The following WIPF1 variants were observed in gnomAD, a reference collection of about 807,000 sequenced individuals.
The protein encoded by WIPF1 is WAS/WASL-interacting protein family member 1.
In WIPF1, 13 loss-of-function variants were observed where a neutral mutation model predicts 35.4. That is an observed-to-expected ratio of 0.37 (90% CI 0.24 to 0.58). WIPF1 has a LOEUF of 0.58. Among genes scored for constraint, WIPF1 ranks in the 20% least tolerant of loss-of-function variants. The pLI is 0.74. For missense variants in WIPF1, 591 were observed against 667.0 expected, an observed-to-expected ratio of 0.89 and a Z score of 1.25; for synonymous variants, 267 against 266.3, an observed-to-expected ratio of 1.00 and a Z score of -0.02.
intron 1 of WIPF1, among the ~76,000 whole-genome samples, chr2:174,649,900 C>T (rs1412869341): frequency 2.0e-5 from 3 of 152,202 alleles, no homozygotes; most frequent in African/African-American, 7.2e-5. Context: ...CCAGGTAAGA[C>T]TTTATCTCCA....
intron 3 of WIPF1, among the ~76,000 whole-genome samples, chr2:174,580,777 C>T (rs1006488297): frequency 4.6e-5 from 7 of 152,200 alleles, no homozygotes; most frequent in African/African-American, 7.2e-5. Flanking sequence ...CTCTAAGCTC[C>T]TAATAATTGT....
At chr2:174,657,583 A>G (rs1355223329) in intron 1 of WIPF1, among the ~76,000 whole-genome samples, 1 of 152,138 alleles carries the variant, frequency 6.6e-6, no homozygotes, top group African/African-American at 2.4e-5. Context: ...ATGGCTGAGA[A>G]TAAAAGCTAG....
chr2:174,579,086 T>C (rs971271978), intron 3 of WIPF1, among the ~76,000 whole-genome samples: 5 of 152,164 alleles, frequency 3.3e-5, no homozygotes, highest in Admixed American at 6.5e-5. Flanking sequence ...GGCACGATCT[T>C]GGCTCACTGC....
intron 1 of WIPF1, among the ~76,000 whole-genome samples, chr2:174,641,714 T>TA (rs1485343040): frequency 6.6e-6 from 1 of 152,226 alleles, no homozygotes; most frequent in Non-Finnish European, 1.5e-5. Flanking sequence ...GATAGTGCCT[T>TA]ACTCATCTCA....
rs1684837427 is a variant in WIPF1, at chr2:174,571,540, C to T, written c.1129+136G>A. On this transcript the variant is annotated intron_variant, in intron 5 of 7. Coordinates refer to ENST00000679041, the MANE Select transcript of WIPF1 (RefSeq NM_001375834.1). The surrounding 1 kb of genome is among the most constrained non-coding windows in gnomAD (Gnocchi z 4.6). ...TACACGAGGTCACGATCACACGTGTCGTGTGCCACTTAAAAGCACAAAGCA... is the reference window on the plus strand; with the variant it reads ...TACACGAGGTCACGATCACACGTGTTGTGTGCCACTTAAAAGCACAAAGCA... 2 of 1,198,630 alleles carry T rather than the reference C, an allele frequency of 1.7e-6. No individual in the cohort carries two copies. Among genetic ancestry groups the T allele is most frequent in the Admixed American group, 1.7e-5 (1 of 58,894 alleles). 74.2% of individuals were successfully genotyped at this position (1,198,630 alleles called of 1,614,324 possible).
chr2:174,630,514 A>G (rs139294001), intron 1 of WIPF1: 50 of 152,274 alleles, frequency 3.3e-4, no homozygotes, highest in African/African-American at 1.2e-3. Context: ...AAAGCTTTCT[A>G]TGCACTTTCA....
intron 1 of WIPF1, among the ~76,000 whole-genome samples, chr2:174,612,045 C>T (rs1393722862): frequency 6.6e-6 from 1 of 152,076 alleles, no homozygotes; most frequent in Admixed American, 6.6e-5. Flanking sequence ...CATGCTGCCT[C>T]GCTTGGCTAA....
chr2:174,627,176 A>C (rs1397565219), intron 1 of WIPF1, among the ~76,000 whole-genome samples: 2 of 152,144 alleles, frequency 1.3e-5, no homozygotes, highest in Non-Finnish European at 2.9e-5. Context: ...GCCCCGCTAG[A>C]CTTCTTTCTC....
At chr2:174,625,129 G>A (rs781342249) in intron 1 of WIPF1, among the ~76,000 whole-genome samples, 2 of 152,288 alleles carry the variant, frequency 1.3e-5, no homozygotes, top group South Asian at 2.1e-4. Flanking sequence ...AGCTGCTGCC[G>A]GCTGGCATCA....
At chr2:174,611,498 G>C (rs1411379114) in intron 1 of WIPF1, among the ~76,000 whole-genome samples, 1 of 152,198 alleles carries the variant, frequency 6.6e-6, no homozygotes, top group East Asian at 1.9e-4. Context: ...GGACTTTAAG[G>C]TGGTATCAGG....
At position 174,567,953 on chromosome 2, in the gene WIPF1, G is replaced by A. The variant is rs768818973; in HGVS notation, c.1250C>T (p.Pro417Leu). 3 of 1,614,132 alleles carry A rather than the reference G, an allele frequency of 1.9e-6. No individual in the cohort carries two copies. Residue 417 changes from proline to leucine, a missense_variant, in exon 6 of 8, where the codon CCC becomes CTC. Transcript: ENST00000679041. Reference protein sequence around the residue: ...VDSPRSGPRPPLPPDRPSAGA... With the variant: ...VDSPRSGPRPLLPPDRPSAGA... ...AGCACTGGGCCTATCAGGAGGAAGG[G>A]GAGGCCTGGGTCCACTCCTGGGACT...
In WIPF1 at chr2:174,619,673, T is replaced by C. The variant is rs546004798; in HGVS notation, c.-38-34062A>G. Among the ~76,000 whole-genome samples, 32 of 152,296 alleles carry C rather than the reference T, an allele frequency of 2.1e-4. 1 individual carries two copies. In the South Asian group the frequency reaches 6.6e-3, roughly 32 times the overall value. On this transcript the variant is annotated intron_variant, in intron 1 of 8. Coordinates refer to the WIPF1 transcript ENST00000272746. Reference sequence around the variant, plus strand: ...TAAAAGCTCCAGGGTCTGGGCATGGTGGCTCACACCTGTAATCCCAGCACT... The same window carrying C: ...TAAAAGCTCCAGGGTCTGGGCATGGCGGCTCACACCTGTAATCCCAGCACT...
At chr2:174,632,048 T>C (rs900396161) in intron 1 of WIPF1, among the ~76,000 whole-genome samples, 2 of 152,216 alleles carry the variant, frequency 1.3e-5, no homozygotes, top group Non-Finnish European at 2.9e-5. Flanking sequence ...CCACAAAATT[T>C]ACCATTTTTT....
At position 174,567,219 on chromosome 2, in the gene WIPF1, A is replaced by T. The variant is rs768372129; in HGVS notation, c.1343-36T>A. ...AAACAAGCAGTATCTTCAGTGACAG[A>T]CAATGTGCTATGAAGACTTACGTAA... On this transcript the variant is annotated intron_variant, in intron 6 of 7. Coordinates refer to ENST00000679041, the MANE Select transcript of WIPF1 (RefSeq NM_001375834.1). The T allele has an allele frequency of 1.9e-6, 3 of 1,576,724 alleles. No homozygotes were observed. In the South Asian group the frequency reaches 3.3e-5, roughly 17 times the overall value.
chr2:174,682,620 G>GT (rs1688276886), intron 1 of WIPF1, among the ~76,000 whole-genome samples: 1 of 151,740 alleles, frequency 6.6e-6, no homozygotes, highest in Non-Finnish European at 1.5e-5. Context: ...CGCTCGCAGG[G>GT]GACGCGGCCT....
chr2:174,614,845 C>T (rs1265846892), intron 1 of WIPF1, among the ~76,000 whole-genome samples: 1 of 152,206 alleles, frequency 6.6e-6, no homozygotes, highest in African/African-American at 2.4e-5. Flanking sequence ...TGCTTTCCAA[C>T]CTCTGTTTGC....
intron 1 of WIPF1, among the ~76,000 whole-genome samples, chr2:174,668,416 G>A (rs1165470252): frequency 6.6e-6 from 1 of 152,116 alleles, no homozygotes; most frequent in Non-Finnish European, 1.5e-5. Context: ...AAAGAAAAAA[G>A]GGTGTGCATT....
intron 4 of WIPF1, among the ~76,000 whole-genome samples, chr2:174,572,874 C>G (rs1043260758): frequency 1.3e-5 from 2 of 152,088 alleles, no homozygotes; most frequent in Non-Finnish European, 2.9e-5. Context: ...AGTCAGCTGT[C>G]TTAGGTGAAA....
intron 7 of WIPF1, 93 bp from the exon 8 acceptor site, chr2:174,562,695 C>T: frequency 6.6e-7 from 1 of 1,512,956 alleles, no homozygotes; most frequent in South Asian, 1.2e-5. Flanking sequence ...TACCCACTAC[C>T]TCATCCCTAT....
Sources: gnomAD v4.1 joint callset for allele counts (sites outside exome capture counted in the v4.1 genomes callset) on GRCh38, gnomAD v4.1.1 for gene constraint, Gnocchi (gnomAD v3.1) non-coding constraint, MANE v1.5 for transcripts, NCBI Gene and HGNC (gene_info 2026-07-23, HGNC 2026-07-21) for gene names.